The following BFSP2 variants were observed in gnomAD, a reference collection of about 807,000 sequenced individuals.
BFSP2 encodes the protein beaded filament structural protein 2.
In BFSP2, 38 loss-of-function variants were observed where a neutral mutation model predicts 44.9. The ratio of observed to expected loss-of-function variants is 0.85; its 90% CI spans 0.65 to 1.11. BFSP2 has a LOEUF of 1.11. Ranked by LOEUF, BFSP2 falls within the 50% of genes least tolerant of loss-of-function variation. The pLI is 0.00. For missense variants in BFSP2, 525 were observed against 533.0 expected, an observed-to-expected ratio of 0.99 and a Z score of 0.15; for synonymous variants, 197 against 209.9, an observed-to-expected ratio of 0.94 and a Z score of 0.53.
Position 133,400,463 on chromosome 3 carries a change from AAGTC to A in BFSP2, c.387_390del (p.Ser129ArgfsTer89). On this transcript the variant is annotated frameshift_variant, in exon 1 of 7. Transcript: ENST00000302334. LOFTEE classifies it high-confidence loss of function. This position sits in a 1 kb window ranked among gnomAD's most constrained non-coding sequence, Gnocchi z 4.0. ...ATGGCCAAAGTGCACGCCCTTGAGC[AAGTC>A]AGTCAGGAGCTGGAAACACAACTGC... 1 of 1,614,032 alleles carries A rather than the reference AAGTC, an allele frequency of 6.2e-7. No individual in the cohort carries two copies.
chr3:133,401,384 T>C (rs1173267516), intron 1 of BFSP2, among the ~76,000 whole-genome samples: 1 of 152,218 alleles, frequency 6.6e-6, no homozygotes, highest in East Asian at 1.9e-4. Context: ...GACTGAGGAA[T>C]TGCATTTTTA....
chr3:133,470,223 G>T (rs898782321), intron 5 of BFSP2, among the ~76,000 whole-genome samples: 1 of 152,146 alleles, frequency 6.6e-6, no homozygotes, highest in Admixed American at 6.5e-5. Flanking sequence ...AGACAGATGA[G>T]AATCTGACTC....
intron 2 of BFSP2, among the ~76,000 whole-genome samples, chr3:133,447,889 CTAAT>C (rs2107923533): frequency 6.6e-6 from 1 of 152,324 alleles, no homozygotes; most frequent in African/African-American, 2.4e-5. Flanking sequence ...AAGCCATAGA[CTAAT>C]TAAATCAGAG....
intron 5 of BFSP2, among the ~76,000 whole-genome samples, chr3:133,468,956 G>A (rs2074136872): frequency 1.3e-5 from 2 of 152,168 alleles, no homozygotes; most frequent in Admixed American, 1.3e-4. Context: ...GGCAGTTAGT[G>A]AGCAGTCAAT....
intron 1 of BFSP2, among the ~76,000 whole-genome samples, chr3:133,435,601 A>G (rs974638089): frequency 6.6e-6 from 1 of 152,204 alleles, no homozygotes; most frequent in African/African-American, 2.4e-5. Context: ...GCACCCATTA[A>G]GTGGAAAGTT....
rs116031191 is a variant in BFSP2, at chr3:133,468,168, G to A, written c.1023+1209G>A. On this transcript the variant is annotated intron_variant, in intron 5 of 6. Coordinates refer to ENST00000302334, the MANE Select transcript of BFSP2 (RefSeq NM_003571.4). ...GGAGACATAAAACTAATGAGATATG[G>A]TCCCTGCCTCCAAAGAGTTAATGTG... Among the ~76,000 whole-genome samples the A allele has an allele frequency of 6.6e-5, 10 of 152,240 alleles. No individual in the cohort carries two copies. The East Asian group carries it at 1.9e-3, about 29-fold the overall frequency.
intron 1 of BFSP2, chr3:133,410,413 C>A: frequency 3.3e-6 from 1 of 299,570 alleles, no homozygotes; most frequent in East Asian, 9.9e-5. Flanking sequence ...CAGCATGGAT[C>A]ACAGCACTCC....
rs1490616313 is a variant in BFSP2, at chr3:133,450,352, T to C, written c.779T>C (p.Met260Thr). The change falls in exon 4 of 7, where the codon ATG (methionine) becomes ACG (threonine). Residue 260 changes from methionine (M) to threonine (T), a missense_variant. By Grantham distance (81) the Met-to-Thr change is moderately conservative (BLOSUM62 -1). Coordinates refer to ENST00000302334, the MANE Select transcript of BFSP2 (RefSeq NM_003571.4). The part of the protein sequence containing the change: ...KQLAGCELEQ[M>T]DAPIGTGLDD... ...TTGGCAGGGTGTGAGCTGGAACAAATGGATGCTCCCATTGGCACTGGTCTG... is the reference window on the plus strand; with the variant it reads ...TTGGCAGGGTGTGAGCTGGAACAAACGGATGCTCCCATTGGCACTGGTCTG... The C allele has an allele frequency of 6.2e-7, 1 of 1,614,174 alleles. No homozygotes were observed. Among genetic ancestry groups the C allele is most frequent in the Non-Finnish European group, 8.5e-7 (1 of 1,180,028 alleles).
chr3:133,466,175 G>GC (rs2074107762), intron 4 of BFSP2, among the ~76,000 whole-genome samples: 1 of 151,022 alleles, frequency 6.6e-6, no homozygotes, highest in Non-Finnish European at 1.5e-5. Context: ...CACGGGGGGG[G>GC]CAATACATAT....
intron 4 of BFSP2, among the ~76,000 whole-genome samples, chr3:133,458,293 A>G (rs1287901520): frequency 6.6e-6 from 1 of 152,230 alleles, no homozygotes; most frequent in Admixed American, 6.5e-5. Flanking sequence ...GGCTGCAAAG[A>G]GAATAGGGAA....
chr3:133,435,552 C>G (rs2073772633), intron 1 of BFSP2, among the ~76,000 whole-genome samples: 2 of 152,238 alleles, frequency 1.3e-5, no homozygotes, highest in African/African-American at 4.8e-5. Context: ...ATTGAAAACT[C>G]TGCTCTTGTC....
At position 133,447,369 on chromosome 3, in the gene BFSP2, T is replaced by C; in HGVS notation, c.542T>C (p.Ile181Thr). Residue 181 changes from isoleucine to threonine, a missense_variant, in exon 2 of 7, where the codon ATC becomes ACC. Coordinates refer to ENST00000302334, the MANE Select transcript of BFSP2 (RefSeq NM_003571.4). ...NARLMLQTET[I>T]QAGADDFKER... ...CGGCTCATGCTGCAGACAGAAACTA[T>C]CCAGGCCGGAGCAGATGACTTTAAA... is the stretch of plus-strand genomic sequence containing the variant. The C allele has an allele frequency of 6.2e-7, 1 of 1,613,950 alleles. No homozygotes were observed. The highest frequency in any genetic ancestry group is 8.5e-7 in the Non-Finnish European group (1 of 1,179,980).
intron 1 of BFSP2, among the ~76,000 whole-genome samples, chr3:133,431,134 A>G (rs1432560818): frequency 6.6e-6 from 1 of 152,174 alleles, no homozygotes; most frequent in Non-Finnish European, 1.5e-5. Context: ...AAAAGGTCAA[A>G]AGGCCGTCTT....
chr3:133,415,943 C>T (rs2073521839), intron 1 of BFSP2, among the ~76,000 whole-genome samples: 1 of 141,246 alleles, frequency 7.1e-6, no homozygotes, highest in African/African-American at 2.7e-5. Flanking sequence ...CATCTCCCCT[C>T]TACTCGCCTG....
intron 5 of BFSP2, among the ~76,000 whole-genome samples, chr3:133,471,567 G>A (rs2074161884): frequency 6.6e-6 from 1 of 152,142 alleles, no homozygotes; most frequent in African/African-American, 2.4e-5. Context: ...TTCAGTGGCA[G>A]GTCCATAGCT....
chr3:133,450,030 G>GAAGGAA (rs2073946594), intron 3 of BFSP2, among the ~76,000 whole-genome samples: 1 of 121,232 alleles, frequency 8.2e-6, no homozygotes, highest in Non-Finnish European at 1.8e-5. Context: ...GGGAGGGAGG[G>GAAGGAA]GGAGGGAAGG....
At position 133,400,590 on chromosome 3, in the gene BFSP2, G is replaced by C; in HGVS notation, c.489+18G>C. ...GCCAGCAGGTAAGTGTCCAGGCTGT[G>C]CCAAGGGCTTTGCAGAGGGCTGGGA... On this transcript the variant is annotated intron_variant, in intron 1 of 6. Coordinates refer to ENST00000302334, the MANE Select transcript of BFSP2 (RefSeq NM_003571.4). This position sits in a 1 kb window ranked among gnomAD's most constrained non-coding sequence, Gnocchi z 4.0. 2 of 1,580,390 alleles carry C rather than the reference G, an allele frequency of 1.3e-6. No individual in the cohort carries two copies. Among genetic ancestry groups the C allele is most frequent in the Non-Finnish European group, 8.6e-7 (1 of 1,163,364 alleles).
rs2074202293 is a variant in BFSP2, at chr3:133,475,162, A to T, written c.*190A>T. 1 of 766,052 alleles carries T rather than the reference A, an allele frequency of 1.3e-6. No individual in the cohort carries two copies. The highest frequency in any genetic ancestry group is 2.3e-5 in the Admixed American group (1 of 43,596). 47.5% of individuals were successfully genotyped at this position (766,052 alleles called of 1,614,324 possible). ...AATCTGAGTAGTCTGTAGCTTGAGC[A>T]ATCTCCCTTGTCCTCCTTCAAATAA... On this transcript the variant is annotated 3_prime_UTR_variant, in exon 7 of 7. Coordinates refer to ENST00000302334, the MANE Select transcript of BFSP2 (RefSeq NM_003571.4).
chr3:133,437,745 G>A (rs1422978917), intron 1 of BFSP2, among the ~76,000 whole-genome samples: 1 of 152,208 alleles, frequency 6.6e-6, no homozygotes, highest in Non-Finnish European at 1.5e-5. Context: ...ATGGAAGATG[G>A]CTGAGCATGG....
Sources: gnomAD v4.1 joint callset for allele counts (sites outside exome capture counted in the v4.1 genomes callset) on GRCh38, gnomAD v4.1.1 for gene constraint, Gnocchi (gnomAD v3.1) non-coding constraint, MANE v1.5 for transcripts, NCBI Gene and HGNC (gene_info 2026-07-23, HGNC 2026-07-21) for gene names.